Variants in SNX4 observed in about 807,000 individuals in gnomAD.
SNX4 encodes sorting nexin-4.
A neutral mutation model predicts 70.8 loss-of-function variants in SNX4; 49 were observed. The observed-to-expected ratio is 0.69, with a 90% CI of 0.55 to 0.88. SNX4 has a LOEUF of 0.88. SNX4 is among the 40% of genes least tolerant of loss of function. The pLI, the probability that SNX4 is intolerant of heterozygous loss-of-function variation, is 0.00. For synonymous variants in SNX4, 206 were observed against 183.8 expected (o/e 1.12, Z -0.98); for missense variants, 528 against 544.8 (o/e 0.97, Z 0.31).
chr3:125,514,276 T>C (rs1935229397), intron 1 of SNX4, among the ~76,000 whole-genome samples: 1 of 152,262 alleles, frequency 6.6e-6, no homozygotes, highest in East Asian at 1.9e-4. Context: ...ACAGCAGAGC[T>C]ATTCAGAAAA....
In SNX4 at chr3:125,520,137, G is replaced by C. The variant is rs1214325991; in HGVS notation, c.36C>G (p.Leu12=). 6.9e-7 allele frequency: 1 copy of C among 1,458,150 alleles called. No homozygotes were observed. The highest frequency in any genetic ancestry group is 9.0e-7 in the Non-Finnish European group (1 of 1,111,188). 90.3% of individuals were successfully genotyped at this position (1,458,150 alleles called of 1,614,324 possible). A position where few individuals can be genotyped will look rare whatever the true frequency, so the allele number is the denominator to read the frequency against. ...EQAPPDPERQ[L]QPAPLEPLGS... ...CCAGCGGCTCCAAGGGCGCCGGCTG[G>C]AGCTGCCGCTCGGGGTCCGGAGGTG... The change falls in exon 1 of 14, where the codon CTC becomes CTG. Residue 12 remains leucine (L), a synonymous_variant. Coordinates refer to ENST00000251775, the MANE Select transcript of SNX4 (RefSeq NM_003794.4).
intron 1 of SNX4, among the ~76,000 whole-genome samples, chr3:125,514,893 ACTGGT>A (rs955189547): frequency 6.6e-5 from 10 of 152,092 alleles, no homozygotes; most frequent in African/African-American, 7.2e-5. Flanking sequence ...CATTCCCAAT[ACTGGT>A]CTCAAGGCAT....
In SNX4 at chr3:125,474,490, T is replaced by A. The variant is rs573023082; in HGVS notation, c.788+2205A>T. ...GTGCCACCATGCCTAATTTTTAAAC[T>A]ATTTTTGTAGAGATGGGGTCTTGCT... is the stretch of plus-strand genomic sequence containing the variant. On this transcript the variant is annotated intron_variant, in intron 8 of 13. Transcript: ENST00000251775. 5.6e-4 allele frequency among the ~76,000 whole-genome samples: 85 copies of A among 152,178 alleles called. 1 individual carries two copies. The highest frequency in any genetic ancestry group is 5.9e-4 in the Admixed American group (9 of 15,278).
intron 2 of SNX4, among the ~76,000 whole-genome samples, chr3:125,503,996 A>C (rs1028303611): frequency 6.6e-6 from 1 of 152,118 alleles, no homozygotes; most frequent in Non-Finnish European, 1.5e-5. Flanking sequence ...CAGGAGTTTG[A>C]GACCAGACTG....
rs1249877933 is a variant in SNX4 at position 125,520,196 on chromosome 3, C to A, written c.-24G>T. 8 of 1,344,630 alleles carry A rather than the reference C, an allele frequency of 5.9e-6. No individual in the cohort carries two copies. In the Admixed American group the frequency reaches 1.7e-4, roughly 28 times the overall value. 83.3% of individuals were successfully genotyped at this position (1,344,630 alleles called of 1,614,324 possible). ...ATGGCTGCAGTTCGGCGCGGCGAAC[C>A]CAGTGCGCCTGCGCCGCCGCCGCGC... is the stretch of plus-strand genomic sequence containing the variant. On this transcript the variant is annotated 5_prime_UTR_variant, in exon 1 of 14. Transcript: ENST00000251775.
intron 1 of SNX4, among the ~76,000 whole-genome samples, chr3:125,509,474 G>T (rs1367587214): frequency 2.0e-5 from 3 of 151,378 alleles, no homozygotes; most frequent in Non-Finnish European, 4.4e-5. Context: ...CAATTGGGCT[G>T]GGCATGGTGG....
intron 1 of SNX4, among the ~76,000 whole-genome samples, chr3:125,519,590 C>T (rs146530138): frequency 2.4e-3 from 370 of 152,260 alleles, no homozygotes; most frequent in Non-Finnish European, 2.6e-3. Flanking sequence ...GTTGCCCACT[C>T]CCCACTGTGT....
intron 12 of SNX4, among the ~76,000 whole-genome samples, chr3:125,453,236 T>C (rs182662744): frequency 1.3e-5 from 2 of 152,130 alleles, no homozygotes; most frequent in Non-Finnish European, 2.9e-5. Flanking sequence ...CAATCAATCA[T>C]CTAATACAAA....
intron 5 of SNX4, among the ~76,000 whole-genome samples, chr3:125,494,613 G>A (rs1934739728): frequency 6.6e-6 from 1 of 152,066 alleles, no homozygotes; most frequent in African/African-American, 2.4e-5. Context: ...CCTGAAAATA[G>A]TTTTCTTTAT....
At chr3:125,472,672 T>C (rs1934203085) in intron 8 of SNX4, among the ~76,000 whole-genome samples, 1 of 152,152 alleles carries the variant, frequency 6.6e-6, no homozygotes, top group Non-Finnish European at 1.5e-5. Context: ...AAGGAGGTTT[T>C]GCAGTAGGAC....
rs115253296 is a variant in SNX4 at position 125,449,894 on chromosome 3, A to G, written c.1305+1411T>C. Reference sequence around the variant, plus strand: ...CTTTTACAGGAAAAACAAAAAAACTAAAAACCTTTGTTATCTGGTCTTTCA... The same window carrying G: ...CTTTTACAGGAAAAACAAAAAAACTGAAAACCTTTGTTATCTGGTCTTTCA... On this transcript the variant is annotated intron_variant, in intron 13 of 13. Coordinates refer to ENST00000251775, the MANE Select transcript of SNX4 (RefSeq NM_003794.4). 6.4e-3 allele frequency among the ~76,000 whole-genome samples: 977 copies of G among 152,320 alleles called. 9 individuals are homozygous for G. Among genetic ancestry groups the G allele is most frequent in the African/African-American group, 0.022 (925 of 41,566 alleles).
chr3:125,487,319 A>C (rs1056653526), intron 6 of SNX4, among the ~76,000 whole-genome samples: 3 of 152,298 alleles, frequency 2.0e-5, no homozygotes, highest in Non-Finnish European at 2.9e-5. Flanking sequence ...GGGCAAAAAA[A>C]CTGCCTTGGT....
At chr3:125,517,320 T>C (rs544637215) in intron 1 of SNX4, among the ~76,000 whole-genome samples, 2 of 152,340 alleles carry the variant, frequency 1.3e-5, no homozygotes, top group South Asian at 4.1e-4. Context: ...TACCCATCTA[T>C]TGGAAGTAAT....
chr3:125,507,916 A>C (rs1559825443), intron 1 of SNX4, among the ~76,000 whole-genome samples: 2 of 152,178 alleles, frequency 1.3e-5, no homozygotes, highest in Admixed American at 1.3e-4. Context: ...GTCTCAAAAA[A>C]AGAAAACAAA....
chr3:125,450,274 G>A (rs1419882644), intron 13 of SNX4, among the ~76,000 whole-genome samples: 1 of 152,148 alleles, frequency 6.6e-6, no homozygotes, highest in Non-Finnish European at 1.5e-5. Context: ...AAGATCCACG[G>A]TATACAGTAA....
At chr3:125,504,258 G>A (rs1342355084) in intron 2 of SNX4, among the ~76,000 whole-genome samples, 2 of 151,594 alleles carry the variant, frequency 1.3e-5, no homozygotes, top group African/African-American at 2.4e-5. Flanking sequence ...GCTTGAATCC[G>A]GGAGACAGAG....
intron 13 of SNX4, among the ~76,000 whole-genome samples, chr3:125,449,576 A>G (rs1342477091): frequency 6.6e-6 from 1 of 152,176 alleles, no homozygotes; most frequent in African/African-American, 2.4e-5. Context: ...AAACAAAACG[A>G]CAAAATTGCA....
intron 1 of SNX4, 84 bp downstream of exon 1, chr3:125,519,948 G>GGCCCAGCCCA (rs545176634): frequency 1.2e-5 from 9 of 775,326 alleles, no homozygotes; most frequent in Middle Eastern, 7.7e-4. Flanking sequence ...GGCCCGGCCC[G>GGCCCAGCCCA]GCCCAGCCCA....
At chr3:125,519,626 C>A (rs1427864859) in intron 1 of SNX4, among the ~76,000 whole-genome samples, 4 of 152,148 alleles carry the variant, frequency 2.6e-5, no homozygotes, top group Admixed American at 1.3e-4. Flanking sequence ...CCCAGCAAAA[C>A]CCCTTAGCAA....
Sources: gnomAD v4.1 joint callset for allele counts (sites outside exome capture counted in the v4.1 genomes callset) on GRCh38, gnomAD v4.1.1 for gene constraint, MANE v1.5 for transcripts, NCBI Gene and HGNC (gene_info 2026-07-23, HGNC 2026-07-21) for gene names.